Variants in VEPH1 observed in about 807,000 individuals in gnomAD.
VEPH1 encodes ventricular zone expressed PH domain containing 1.
Under a neutral mutation model 85.2 loss-of-function variants are expected in VEPH1, and 80 were observed. The ratio of observed to expected loss-of-function variants is 0.94; its 90% CI spans 0.78 to 1.13. The LOEUF is 1.13. Ranked by LOEUF, VEPH1 falls within the 50% of genes most tolerant of loss-of-function variation. VEPH1 has a pLI of 0.00. For synonymous variants in VEPH1, 297 were observed against 348.0 expected (o/e 0.85, Z 1.63); for missense variants, 955 against 980.5 (o/e 0.97, Z 0.35).
intron 6 of VEPH1, among the ~76,000 whole-genome samples, chr3:157,390,373 T>C (rs1451026404): frequency 6.6e-6 from 1 of 152,216 alleles, no homozygotes; most frequent in African/African-American, 2.4e-5. Context: ...GAGGAACTTT[T>C]CTACTAATCC....
At chr3:157,340,356 C>T (rs750839373) in intron 9 of VEPH1, among the ~76,000 whole-genome samples, 2 of 152,200 alleles carry the variant, frequency 1.3e-5, no homozygotes, top group African/African-American at 2.4e-5. Context: ...TCTTAGCAAA[C>T]GGCACACCAG....
rs1014099198 is a variant in VEPH1 at position 157,460,347 on chromosome 3, G to A, written c.363C>T (p.Asn121=). Residue 121 remains asparagine, a synonymous_variant, in exon 4 of 14, where the codon AAC becomes AAT. Coordinates refer to ENST00000362010, the MANE Select transcript of VEPH1 (RefSeq NM_001167912.2). The stretch of plus-strand genomic sequence containing the variant: ...TGGCTAATGCCATCACTGGGGGTCG[G>A]TTGTAATTCTGAGGAAATATAAGAA... The part of the protein sequence containing the change: ...DIMSCILQNY[N]RPPVMALAIP... 1.2e-6 allele frequency: 2 copies of A among 1,606,058 alleles called. No homozygotes were observed. Among genetic ancestry groups the A allele is most frequent in the Non-Finnish European group, 1.7e-6 (2 of 1,174,860 alleles).
intron 4 of VEPH1, chr3:157,459,844 G>A (rs1735671080): frequency 5.9e-6 from 9 of 1,531,740 alleles, no homozygotes; most frequent in Non-Finnish European, 7.9e-6. Context: ...TGAGTGACGT[G>A]TTCCACTCAG....
At chr3:157,291,945 A>C (rs1021644568) in intron 11 of VEPH1, among the ~76,000 whole-genome samples, 12 of 152,200 alleles carry the variant, frequency 7.9e-5, no homozygotes, top group African/African-American at 1.4e-4. Context: ...CTCTCTCTCT[A>C]TATATCTATC....
At position 157,491,473 on chromosome 3, in the gene VEPH1, G is replaced by A. The variant is rs559028780; in HGVS notation, c.138+3739C>T. Among the ~76,000 whole-genome samples the A allele has an allele frequency of 5.9e-5, 9 of 152,286 alleles. No individual in the cohort carries two copies. In the East Asian group the frequency reaches 1.7e-3, roughly 29 times the overall value. ...AAAGGTATGTTTGGGAACTTGGAGA[G>A]GATACTGAGTTGAGTAGTCACATTT... is the stretch of plus-strand genomic sequence containing the variant. On this transcript the variant is annotated intron_variant, in intron 2 of 13. Transcript: ENST00000362010.
chr3:157,304,049 T>C (rs907332484), intron 11 of VEPH1, among the ~76,000 whole-genome samples: 1 of 57,360 alleles, frequency 1.7e-5, no homozygotes, highest in African/African-American at 4.5e-5. Context: ...ACACACATAC[T>C]GTTACATCTT....
chr3:157,489,018 A>G (rs983759058), intron 2 of VEPH1: 9 of 385,820 alleles, frequency 2.3e-5, no homozygotes, highest in Admixed American at 2.2e-4. Context: ...TGTTGGTCCT[A>G]TCTTCAAAAT....
chr3:157,459,970 G>C, intron 4 of VEPH1: 1 of 1,537,570 alleles, frequency 6.5e-7, no homozygotes, highest in Non-Finnish European at 8.7e-7. Context: ...TTCTTTTAAT[G>C]AGTCTAAGTA....
At position 157,351,439 on chromosome 3, in the gene VEPH1, C is replaced by A. The variant is rs1724859040; in HGVS notation, c.1735+11925G>T. On this transcript the variant is annotated intron_variant, in intron 9 of 13. Coordinates refer to ENST00000362010, the MANE Select transcript of VEPH1 (RefSeq NM_001167912.2). ...AAACTCCTGGCCTCAAGCAATCCACCCGCCTTGGCCTCCCAAAGTGCTGGG... is the reference window on the plus strand; with the variant it reads ...AAACTCCTGGCCTCAAGCAATCCACACGCCTTGGCCTCCCAAAGTGCTGGG... 2.6e-5 allele frequency among the ~76,000 whole-genome samples: 4 copies of A among 152,190 alleles called. No homozygotes were observed. The South Asian group carries it at 6.2e-4, about 24-fold the overall frequency.
chr3:157,386,277 G>GGTTA (rs1296806745), intron 6 of VEPH1, among the ~76,000 whole-genome samples: 4 of 66,570 alleles, frequency 6.0e-5, no homozygotes, highest in Non-Finnish European at 8.8e-5. Context: ...AAAAAAAAGT[G>GGTTA]GTTAGTTTGG....
intron 3 of VEPH1, among the ~76,000 whole-genome samples, chr3:157,465,349 C>T (rs1178207988): frequency 1.3e-5 from 2 of 152,272 alleles, no homozygotes; most frequent in Non-Finnish European, 2.9e-5. Context: ...TGTTAGAAAG[C>T]ATCCAGTGTT....
intron 4 of VEPH1, chr3:157,437,698 G>T (rs1376140498): frequency 6.5e-6 from 10 of 1,532,366 alleles, no homozygotes; most frequent in Non-Finnish European, 8.7e-6. Flanking sequence ...GTGCGCGCCG[G>T]GGGCTCCCGC....
At chr3:157,442,669 G>A in intron 4 of VEPH1, 1 of 1,614,214 alleles carries the variant, frequency 6.2e-7, no homozygotes, top group Non-Finnish European at 8.5e-7. Context: ...TCAGAGGAAG[G>A]GCTCACATCC....
intron 6 of VEPH1, among the ~76,000 whole-genome samples, chr3:157,388,156 GA>G (rs1729500005): frequency 6.6e-6 from 1 of 152,162 alleles, no homozygotes; most frequent in South Asian, 2.1e-4. Context: ...AGGGCCATTA[GA>G]AATGTAAAGC....
intron 11 of VEPH1, among the ~76,000 whole-genome samples, chr3:157,306,727 C>T (rs1310242844): frequency 6.6e-6 from 1 of 151,908 alleles, no homozygotes; most frequent in Non-Finnish European, 1.5e-5. Flanking sequence ...TTATAAAGAG[C>T]AGATTGCTCT....
chr3:157,290,169 G>A (rs1186248581), intron 11 of VEPH1, among the ~76,000 whole-genome samples: 7 of 152,142 alleles, frequency 4.6e-5, no homozygotes, highest in Non-Finnish European at 7.3e-5. Flanking sequence ...GGGACTATGC[G>A]TGGCTTTTAG....
At chr3:157,331,840 A>T (rs899577335) in intron 9 of VEPH1, among the ~76,000 whole-genome samples, 12 of 152,220 alleles carry the variant, frequency 7.9e-5, no homozygotes, top group African/African-American at 2.9e-4. Context: ...CATTGTACAT[A>T]AGCTTTATTA....
At chr3:157,406,438 CTTTTCCTCCTGAA>C (rs1731143956) in intron 6 of VEPH1, among the ~76,000 whole-genome samples, 1 of 152,106 alleles carries the variant, frequency 6.6e-6, no homozygotes, top group South Asian at 2.1e-4. Flanking sequence ...CATTCTTTTC[CTTTTCCTCCTGAA>C]AGTGTTTTTG....
At chr3:157,375,757 G>A (rs1354910537) in intron 7 of VEPH1, among the ~76,000 whole-genome samples, 1 of 151,966 alleles carries the variant, frequency 6.6e-6, no homozygotes, top group Non-Finnish European at 1.5e-5. Context: ...TATTCAGTCA[G>A]TTTTGACTAT....
Sources: gnomAD v4.1 joint callset for allele counts (sites outside exome capture counted in the v4.1 genomes callset) on GRCh38, gnomAD v4.1.1 for gene constraint, MANE v1.5 for transcripts, NCBI Gene and HGNC (gene_info 2026-07-23, HGNC 2026-07-21) for gene names.